The following KIAA0825 variants were observed in gnomAD, a reference collection of about 807,000 sequenced individuals.
The protein encoded by KIAA0825 is uncharacterized protein KIAA0825.
A neutral mutation model predicts 147.6 loss-of-function variants in KIAA0825; 119 were observed. That is an observed-to-expected ratio of 0.81 (90% CI 0.69 to 0.94). The LOEUF is 0.94. Among genes scored for constraint, KIAA0825 ranks in the 40% least tolerant of loss-of-function variants. The pLI is 0.00. For synonymous variants in KIAA0825, 470 were observed against 518.1 expected (o/e 0.91, Z 1.26); for missense variants, 1,381 against 1,472.7 (o/e 0.94, Z 1.02).
At chr5:94,159,908 A>C (rs920742139) in intron 20 of KIAA0825, among the ~76,000 whole-genome samples, 1 of 152,190 alleles carries the variant, frequency 6.6e-6, no homozygotes, top group Non-Finnish European at 1.5e-5. Flanking sequence ...CTTTACAATT[A>C]TTTATTAGTT....
intron 20 of KIAA0825, among the ~76,000 whole-genome samples, chr5:94,172,957 A>T (rs1440160126): frequency 6.6e-6 from 1 of 152,186 alleles, no homozygotes; most frequent in Non-Finnish European, 1.5e-5. Flanking sequence ...CACATGAGAG[A>T]TACCTCATAA....
At chr5:94,534,838 T>C (rs1771633459) in intron 3 of KIAA0825, among the ~76,000 whole-genome samples, 1 of 152,166 alleles carries the variant, frequency 6.6e-6, no homozygotes, top group African/African-American at 2.4e-5. Flanking sequence ...GTTTACCTTT[T>C]TAAAAATATT....
intron 20 of KIAA0825, among the ~76,000 whole-genome samples, chr5:94,214,548 C>T (rs1031755627): frequency 6.6e-6 from 1 of 152,150 alleles, no homozygotes; most frequent in Non-Finnish European, 1.5e-5. Context: ...TCTAGTGGCC[C>T]CAGGGCTTGT....
At chr5:94,372,833 T>C (rs1746924221) in intron 20 of KIAA0825, among the ~76,000 whole-genome samples, 1 of 152,240 alleles carries the variant, frequency 6.6e-6, no homozygotes, top group Non-Finnish European at 1.5e-5. Flanking sequence ...TATTGCTTTG[T>C]CAGTCTGCAA....
intron 20 of KIAA0825, among the ~76,000 whole-genome samples, chr5:94,219,446 C>G (rs1422522691): frequency 6.6e-6 from 1 of 152,082 alleles, no homozygotes; most frequent in African/African-American, 2.4e-5. Flanking sequence ...TTGGAGACCC[C>G]TGAGCTATAT....
intron 20 of KIAA0825, among the ~76,000 whole-genome samples, chr5:94,161,078 T>C (rs1767537887): frequency 6.6e-6 from 1 of 152,174 alleles, no homozygotes; most frequent in Non-Finnish European, 1.5e-5. Flanking sequence ...AGAGACAACT[T>C]ACTCTGCAAA....
At chr5:94,299,151 A>G (rs1778266503) in intron 20 of KIAA0825, among the ~76,000 whole-genome samples, 1 of 152,120 alleles carries the variant, frequency 6.6e-6, no homozygotes, top group Non-Finnish European at 1.5e-5. Flanking sequence ...TACAAGCTAA[A>G]CTATGAAATT....
intron 20 of KIAA0825, among the ~76,000 whole-genome samples, chr5:94,181,382 A>G (rs771438911): frequency 1.3e-5 from 2 of 152,210 alleles, no homozygotes; most frequent in African/African-American, 4.8e-5. Context: ...TGCAAAATGA[A>G]TATTTAAAAG....
intron 7 of KIAA0825, among the ~76,000 whole-genome samples, chr5:94,474,221 G>A (rs1433334094): frequency 7.2e-5 from 11 of 152,092 alleles, no homozygotes; most frequent in Admixed American, 2.6e-4. Context: ...TACAGTTGAG[G>A]GGCTGATGTT....
intron 20 of KIAA0825, among the ~76,000 whole-genome samples, chr5:94,233,004 T>C (rs938520870): frequency 1.3e-5 from 2 of 152,206 alleles, no homozygotes; most frequent in African/African-American, 4.8e-5. Flanking sequence ...ACTAAAATAC[T>C]GCACAGGAAA....
chr5:94,206,552 G>A (rs1466564627), intron 20 of KIAA0825, among the ~76,000 whole-genome samples: 1 of 152,008 alleles, frequency 6.6e-6, no homozygotes, highest in East Asian at 1.9e-4. Flanking sequence ...TTGTTTATTT[G>A]TGCTCTGTGG....
At chr5:94,423,591 T>A (rs932388557) in intron 14 of KIAA0825, among the ~76,000 whole-genome samples, 3 of 152,168 alleles carry the variant, frequency 2.0e-5, no homozygotes, top group African/African-American at 4.8e-5. Flanking sequence ...TCTACAAGAA[T>A]GTTGTTAATG....
At chr5:94,306,600 C>T (rs1778753035) in intron 20 of KIAA0825, among the ~76,000 whole-genome samples, 1 of 151,650 alleles carries the variant, frequency 6.6e-6, no homozygotes, top group Non-Finnish European at 1.5e-5. Flanking sequence ...TGTACTAAGC[C>T]CTCAGTTAAA....
chr5:94,389,414 C>G (rs1328076988), intron 18 of KIAA0825, among the ~76,000 whole-genome samples: 1 of 152,170 alleles, frequency 6.6e-6, no homozygotes, highest in African/African-American at 2.4e-5. Flanking sequence ...GGTGCCAACC[C>G]CATGGGAGTT....
At chr5:94,289,203 G>C (rs1322935027) in intron 20 of KIAA0825, among the ~76,000 whole-genome samples, 1 of 152,104 alleles carries the variant, frequency 6.6e-6, no homozygotes, top group Non-Finnish European at 1.5e-5. Context: ...TAATACTACA[G>C]AAGACAGAAG....
chr5:94,204,003 T>C (rs931212705), intron 20 of KIAA0825, among the ~76,000 whole-genome samples: 4 of 152,156 alleles, frequency 2.6e-5, no homozygotes, highest in Non-Finnish European at 5.9e-5. Context: ...AGAAAAAATA[T>C]CAAACTGAAT....
intron 20 of KIAA0825, among the ~76,000 whole-genome samples, chr5:94,221,198 CCTGCCAGGA>C (rs1462202020): frequency 3.3e-5 from 5 of 152,112 alleles, no homozygotes; most frequent in African/African-American, 1.2e-4. Context: ...AGGGGTAGAG[CCTGCCAGGA>C]TTTCAGAAGG....
intron 20 of KIAA0825, among the ~76,000 whole-genome samples, chr5:94,261,741 C>G (rs531860295): frequency 4.5e-4 from 68 of 152,240 alleles, no homozygotes; most frequent in African/African-American, 1.5e-3. Context: ...GAACATATCT[C>G]TTCCCTCTCT....
At chr5:94,592,766 T>G (rs768042672) in intron 1 of KIAA0825, 2 of 357,828 alleles carry the variant, frequency 5.6e-6, no homozygotes, top group African/African-American at 2.1e-5. Flanking sequence ...ATTTGTGATG[T>G]AAATCAAAAA....
Sources: allele counts gnomAD v4.1 joint callset (sites outside exome capture counted in the v4.1 genomes callset), GRCh38; gene constraint gnomAD v4.1.1; transcripts MANE v1.5; gene names NCBI Gene and HGNC (gene_info 2026-07-23, HGNC 2026-07-21).